The following TBC1D8B variants were observed in gnomAD, a reference collection of about 807,000 sequenced individuals.
TBC1D8B encodes the protein RP11-321G1.1.
In TBC1D8B, 75 loss-of-function variants were observed where a neutral mutation model predicts 82.9. That is an observed-to-expected ratio of 0.90 (90% CI 0.75 to 1.10). The LOEUF (loss-of-function observed/expected upper bound fraction) is 1.10. TBC1D8B is among the 50% of genes least tolerant of loss of function. The pLI, the probability that TBC1D8B is intolerant of heterozygous loss-of-function variation, is 0.00. For missense variants in TBC1D8B, 794 were observed against 796.9 expected (o/e 1.00, Z 0.04); for synonymous variants, 276 against 276.8 (o/e 1.00, Z 0.03).
chrX:106,816,978 A>G (rs1291150966), intron 1 of TBC1D8B, among the ~76,000 whole-genome samples: 1 of 111,388 alleles, frequency 9.0e-6, no homozygotes, highest in East Asian at 2.8e-4. Context: ...CTTGCTTAAA[A>G]TCTCAATTCT....
In TBC1D8B at chrX:106,875,129, T is replaced by C. The variant is rs2147778206; in HGVS notation, c.*1164T>C. ...TTTCAAAAAAAAAAAAAGCAAACCA[T>C]ACTTGTCCACTGTCCTGTGCTATTC... On this transcript the variant is annotated 3_prime_UTR_variant, in exon 21 of 21. Transcript: ENST00000357242. 9.0e-6 allele frequency: 1 copy of C among 111,009 alleles called. No individual in the cohort carries two copies. Among genetic ancestry groups the C allele is most frequent in the East Asian group, 2.8e-4 (1 of 3,518 alleles). 9.1% of individuals were successfully genotyped at this position (111,009 alleles called of 1,213,427 possible).
At chrX:106,841,005 A>G in intron 10 of TBC1D8B, 121 bp downstream of exon 10, 1 of 549,632 alleles carries the variant, frequency 1.8e-6, no homozygotes, top group African/African-American at 2.3e-5. Context: ...TAGATAGAGC[A>G]TAGTATTAAT....
In TBC1D8B at chrX:106,850,498, A is replaced by G. The variant is rs747353439; in HGVS notation, c.2123+188A>G. Among the ~76,000 whole-genome samples the G allele has an allele frequency of 4.5e-5, 5 of 111,969 alleles. No homozygotes were observed. The South Asian group carries it at 1.9e-3, about 42-fold the overall frequency. The stretch of plus-strand genomic sequence containing the variant: ...TCCAGAAAAAATATAGCAAGAATAA[A>G]TCACTTTGAAGTGAACCACTAAATT... On this transcript the variant is annotated intron_variant, in intron 12 of 20. Transcript: ENST00000357242.
chrX:106,820,836 A>G (rs1931673777), intron 2 of TBC1D8B, 41 bp from the exon 3 acceptor site: 1 of 884,608 alleles, frequency 1.1e-6, no homozygotes. Context: ...TTTATTGTGG[A>G]GTTTTCCTTA....
At chrX:106,827,379 T>C in intron 7 of TBC1D8B, 42 bp downstream of exon 7, 1 of 1,191,368 alleles carries the variant, frequency 8.4e-7, no homozygotes, top group Non-Finnish European at 1.1e-6. Context: ...GAAAAAAAGG[T>C]GTGTGTTTAG....
At chrX:106,811,449 A>C (rs1038506039) in intron 1 of TBC1D8B, among the ~76,000 whole-genome samples, 2 of 111,527 alleles carry the variant, frequency 1.8e-5, no homozygotes, top group Non-Finnish European at 3.8e-5. Flanking sequence ...AGATCGTTTG[A>C]GCCAGGGATG....
chrX:106,869,018 AG>A (rs1932831168), intron 18 of TBC1D8B, among the ~76,000 whole-genome samples: 1 of 111,624 alleles, frequency 9.0e-6, no homozygotes, highest in South Asian at 3.8e-4. Context: ...TTAAGTTTGA[AG>A]GGACCTTACA....
intron 7 of TBC1D8B, among the ~76,000 whole-genome samples, chrX:106,835,862 T>C (rs1932164472): frequency 8.9e-6 from 1 of 111,748 alleles, no homozygotes; most frequent in Non-Finnish European, 1.9e-5. Flanking sequence ...AGAAGTCCAT[T>C]GTCCATATTA....
chrX:106,806,617 T>C (rs1233120672), intron 1 of TBC1D8B, among the ~76,000 whole-genome samples: 1 of 111,383 alleles, frequency 9.0e-6, no homozygotes, highest in Non-Finnish European at 1.9e-5. Flanking sequence ...TATAGGTAGT[T>C]TTTAAAGAGT....
At chrX:106,871,542 G>A (rs1425633998) in intron 20 of TBC1D8B, among the ~76,000 whole-genome samples, 1 of 111,719 alleles carries the variant, frequency 9.0e-6, no homozygotes, top group African/African-American at 3.3e-5. Flanking sequence ...GAAAATGTCT[G>A]TGGCCAAATG....
At chrX:106,843,228 T>C (rs1184228737) in intron 10 of TBC1D8B, among the ~76,000 whole-genome samples, 1 of 112,014 alleles carries the variant, frequency 8.9e-6, no homozygotes, top group East Asian at 2.8e-4. Context: ...TTCTGGGTTA[T>C]ATGATAACTG....
chrX:106,870,782 A>G lies in TBC1D8B; in HGVS notation c.2936A>G (p.Glu979Gly). Residue 979 changes from glutamate to glycine, a missense_variant, in exon 20 of 21, where the codon GAA becomes GGA. Physicochemically the swap from Glu to Gly is moderately conservative, Grantham distance 98 (BLOSUM62 -2). Coordinates refer to ENST00000357242, the MANE Select transcript of TBC1D8B (RefSeq NM_017752.3). Reference protein sequence around the residue: ...QWQDELFKKEENIKDLPRMNQ... With the variant: ...QWQDELFKKEGNIKDLPRMNQ... ...CAAGATGAGCTTTTCAAAAAAGAAG[A>G]AAACATTAAGGATTTACCAAGAATG... 8.3e-7 allele frequency: 1 copy of G among 1,201,068 alleles called. No homozygotes were observed. The highest frequency in any genetic ancestry group is 1.1e-6 in the Non-Finnish European group (1 of 888,174).
chrX:106,830,046 C>T (rs1409886187), intron 7 of TBC1D8B: 1 of 111,784 alleles, frequency 8.9e-6, no homozygotes, highest in Non-Finnish European at 1.9e-5. Flanking sequence ...ACCTACTTAT[C>T]TGACAAAGGG....
intron 1 of TBC1D8B, among the ~76,000 whole-genome samples, chrX:106,813,127 G>A (rs1260548523): frequency 8.9e-6 from 1 of 111,869 alleles, no homozygotes. Context: ...CAAAGTGCTG[G>A]GATTAAAGGC....
At chrX:106,828,479 A>G (rs1309033156) in intron 7 of TBC1D8B, 2 of 111,000 alleles carry the variant, frequency 1.8e-5, no homozygotes, top group African/African-American at 6.7e-5. Flanking sequence ...CCGGGCAGAG[A>G]CACAACTAAA....
intron 20 of TBC1D8B, among the ~76,000 whole-genome samples, chrX:106,871,383 G>A (rs1332557515): frequency 1.8e-5 from 2 of 110,980 alleles, no homozygotes; most frequent in Non-Finnish European, 3.8e-5. Context: ...TTTGACAATT[G>A]AATAAGTACT....
intron 7 of TBC1D8B, among the ~76,000 whole-genome samples, chrX:106,833,377 G>GT (rs1401606169): frequency 9.0e-6 from 1 of 111,370 alleles, no homozygotes; most frequent in African/African-American, 3.3e-5. Context: ...TTTATTTGTC[G>GT]TAAGTGTGAA....
At chrX:106,811,940 A>G (rs1439941363) in intron 1 of TBC1D8B, among the ~76,000 whole-genome samples, 1 of 111,642 alleles carries the variant, frequency 9.0e-6, no homozygotes, top group Non-Finnish European at 1.9e-5. Context: ...TTGCTTCCCT[A>G]AAAAATTCTA....
chrX:106,875,833 C>T lies in TBC1D8B; in HGVS notation c.*1868C>T, dbSNP rs1172808649. 3 of 112,054 alleles carry T rather than the reference C, an allele frequency of 2.7e-5. No homozygotes were observed. The highest frequency in any genetic ancestry group is 5.6e-5 in the Non-Finnish European group (3 of 53,183). The allele number at this position is 112,054 out of a possible 1,213,427, so 9.2% of individuals were successfully genotyped here. On this transcript the variant is annotated 3_prime_UTR_variant, in exon 21 of 21. Coordinates refer to ENST00000357242, the MANE Select transcript of TBC1D8B (RefSeq NM_017752.3). ...ATATGATTTTAAAGTCAGAATAGTA[C>T]AGATTGCTGAGTATTATACTTTAGG...
Sources: allele counts gnomAD v4.1 joint callset (sites outside exome capture counted in the v4.1 genomes callset), GRCh38; gene constraint gnomAD v4.1.1; transcripts MANE v1.5; gene names NCBI Gene and HGNC (gene_info 2026-07-23, HGNC 2026-07-21).